Variants in ADCY2 observed in about 807,000 individuals in gnomAD.
ADCY2 encodes adenylate cyclase 2.
Under a neutral mutation model 125.2 loss-of-function variants are expected in ADCY2, and 31 were observed. That is an observed-to-expected ratio of 0.25 (90% CI 0.19 to 0.33). The LOEUF is 0.33. ADCY2 is among the 10% of genes least tolerant of loss of function. The pLI, the probability that ADCY2 is intolerant of heterozygous loss-of-function variation, is 1.00. For synonymous variants in ADCY2, 512 were observed against 548.4 expected (o/e 0.93, Z 0.93); for missense variants, 904 against 1,418.2 (o/e 0.64, Z 5.82).
At chr5:7,634,818 T>A (rs1039362623) in intron 4 of ADCY2, among the ~76,000 whole-genome samples, 1 of 151,992 alleles carries the variant, frequency 6.6e-6, no homozygotes, top group African/African-American at 2.4e-5. Flanking sequence ...TAGCAGGTGA[T>A]AGACTGTAAC....
chr5:7,628,024 A>G (rs1275588728), intron 4 of ADCY2, among the ~76,000 whole-genome samples: 1 of 152,212 alleles, frequency 6.6e-6, no homozygotes, highest in Non-Finnish European at 1.5e-5. Context: ...AGAGACATAG[A>G]TAGTTGTTAA....
At chr5:7,619,487 C>G (rs965597624) in intron 3 of ADCY2, among the ~76,000 whole-genome samples, 1 of 152,176 alleles carries the variant, frequency 6.6e-6, no homozygotes, top group Admixed American at 6.5e-5. Flanking sequence ...TCATAAAGGA[C>G]TAAAAAATCT....
chr5:7,810,903 G>T (rs191298843), intron 22 of ADCY2, among the ~76,000 whole-genome samples: 9 of 152,246 alleles, frequency 5.9e-5, no homozygotes, highest in Admixed American at 2.0e-4. Flanking sequence ...GATAACTCTG[G>T]TCTTAACAAG....
At chr5:7,687,698 C>G (rs1740562356) in intron 4 of ADCY2, among the ~76,000 whole-genome samples, 1 of 152,112 alleles carries the variant, frequency 6.6e-6, no homozygotes, top group African/African-American at 2.4e-5. Context: ...GGAAAGCATA[C>G]ATTCAGGAAG....
intron 6 of ADCY2, among the ~76,000 whole-genome samples, chr5:7,697,718 A>C (rs1740940004): frequency 6.6e-6 from 1 of 152,226 alleles, no homozygotes; most frequent in Non-Finnish European, 1.5e-5. Context: ...ATTACTTGGC[A>C]GTATTGAATG....
chr5:7,666,555 A>T (rs1040153973), intron 4 of ADCY2, among the ~76,000 whole-genome samples: 1 of 152,250 alleles, frequency 6.6e-6, no homozygotes, highest in Non-Finnish European at 1.5e-5. Flanking sequence ...GGCGTGAGCC[A>T]CTGTGCTTGG....
intron 2 of ADCY2, among the ~76,000 whole-genome samples, chr5:7,423,062 A>G (rs1286427446): frequency 6.6e-6 from 1 of 152,178 alleles, no homozygotes. Context: ...GGGCATTTGG[A>G]CTTACTATGA....
chr5:7,620,101 G>A (rs1237611131), intron 3 of ADCY2, among the ~76,000 whole-genome samples: 2 of 152,158 alleles, frequency 1.3e-5, no homozygotes, highest in African/African-American at 2.4e-5. Context: ...CCACACTCTA[G>A]TTATTAGCCA....
chr5:7,747,140 G>A (rs973352105), intron 15 of ADCY2, among the ~76,000 whole-genome samples: 2 of 152,206 alleles, frequency 1.3e-5, no homozygotes, highest in African/African-American at 4.8e-5. Flanking sequence ...ACTCCCACCC[G>A]AGGCATGCCC....
At chr5:7,732,388 G>C (rs115976132) in intron 14 of ADCY2, among the ~76,000 whole-genome samples, 3 of 152,056 alleles carry the variant, frequency 2.0e-5, no homozygotes, top group African/African-American at 7.3e-5. Flanking sequence ...TTCTAATTTC[G>C]TGTTAGTCAA....
chr5:7,517,513 G>A (rs1022425817), intron 2 of ADCY2, among the ~76,000 whole-genome samples: 5 of 152,156 alleles, frequency 3.3e-5, no homozygotes, highest in African/African-American at 1.2e-4. Flanking sequence ...CTCCCTATGG[G>A]ACTCGAAGCT....
chr5:7,420,656 A>G (rs1270150461), intron 2 of ADCY2, among the ~76,000 whole-genome samples: 2 of 152,190 alleles, frequency 1.3e-5, no homozygotes, highest in South Asian at 4.1e-4. Context: ...GCTGCCTCCC[A>G]GATGAAAACT....
intron 4 of ADCY2, among the ~76,000 whole-genome samples, chr5:7,637,052 A>G (rs1321882491): frequency 6.6e-6 from 1 of 152,228 alleles, no homozygotes; most frequent in East Asian, 1.9e-4. Flanking sequence ...TTGGTAATAC[A>G]TTTTAAATTG....
At chr5:7,455,595 T>C (rs35060149) in intron 2 of ADCY2, among the ~76,000 whole-genome samples, 4,930 of 148,780 alleles carry the variant, frequency 0.033, 101 homozygotes, top group South Asian at 0.06. Flanking sequence ...AATGTACATA[T>C]TATAATTATG....
chr5:7,474,192 T>A (rs959384470), intron 2 of ADCY2, among the ~76,000 whole-genome samples: 2 of 152,246 alleles, frequency 1.3e-5, no homozygotes, highest in African/African-American at 4.8e-5. Flanking sequence ...AGCTCTTACT[T>A]ACTTAACTTT....
Position 7,596,095 on chromosome 5 carries a change from T to C in ADCY2, c.571-30072T>C, listed in dbSNP as rs574956317. ...TATATTAAATATATACTGAGGAATT[T>C]ATTTATTTTCTGTCTCTTCCAGTCT... On this transcript the variant is annotated intron_variant, in intron 3 of 24. Coordinates refer to ENST00000338316, the MANE Select transcript of ADCY2 (RefSeq NM_020546.3). Among the ~76,000 whole-genome samples the C allele has an allele frequency of 1.2e-4, 18 of 152,250 alleles. No individual in the cohort carries two copies. In the East Asian group the frequency reaches 3.3e-3, roughly 28 times the overall value.
chr5:7,821,966 T>C (rs746369192), intron 24 of ADCY2, among the ~76,000 whole-genome samples: 18 of 152,142 alleles, frequency 1.2e-4, no homozygotes, highest in Non-Finnish European at 2.4e-4. Flanking sequence ...GAACAGTGTG[T>C]GGTTGGAGAG....
At chr5:7,716,383 A>T (rs1379878435) in intron 11 of ADCY2, among the ~76,000 whole-genome samples, 1 of 152,232 alleles carries the variant, frequency 6.6e-6, no homozygotes, top group East Asian at 1.9e-4. Context: ...GAATTTCCAG[A>T]ACCAATGTAT....
At chr5:7,525,403 A>G (rs1322354355) in intron 3 of ADCY2, among the ~76,000 whole-genome samples, 1 of 152,038 alleles carries the variant, frequency 6.6e-6, no homozygotes, top group African/African-American at 2.4e-5. Context: ...CATTCCCACC[A>G]TCTTTGGAGC....
Sources: gnomAD v4.1 joint callset for allele counts (sites outside exome capture counted in the v4.1 genomes callset) on GRCh38, gnomAD v4.1.1 for gene constraint, MANE v1.5 for transcripts, NCBI Gene and HGNC (gene_info 2026-07-23, HGNC 2026-07-21) for gene names.